Variants in ZBTB21 observed in about 807,000 individuals in gnomAD.
The protein encoded by ZBTB21 is zinc finger and BTB domain-containing protein 21.
A neutral mutation model predicts 39.8 loss-of-function variants in ZBTB21; 10 were observed. The ratio of observed to expected loss-of-function variants is 0.25; its 90% CI spans 0.16 to 0.43. ZBTB21 has a LOEUF of 0.43. Among genes scored for constraint, ZBTB21 ranks in the 20% least tolerant of loss-of-function variants. The probability of loss-of-function intolerance (pLI) is 1.00; values close to 1 mark genes in which losing one functional copy is unlikely to be tolerated. For synonymous variants in ZBTB21, 551 were observed against 498.8 expected (o/e 1.10, Z -1.40); for missense variants, 1,221 against 1,296.3 (o/e 0.94, Z 0.89).
In ZBTB21 at chr21:41,987,762, T is replaced by G. The variant is rs545148604; in HGVS notation, c.*3133A>C. 1 of 152,232 alleles carries G rather than the reference T, an allele frequency of 6.6e-6. No homozygotes were observed. The highest frequency in any genetic ancestry group is 1.5e-5 in the Non-Finnish European group (1 of 68,038). The allele number at this position is 152,232 out of a possible 1,614,324, so 9.4% of individuals were successfully genotyped here. Reference sequence around the variant, plus strand: ...CCAATTTGAGACAACAAAGGCCAACTTTAGATCTGTTAATTCTTCCATCTC... The same window carrying G: ...CCAATTTGAGACAACAAAGGCCAACGTTAGATCTGTTAATTCTTCCATCTC... On this transcript the variant is annotated 3_prime_UTR_variant, in exon 3 of 3. Transcript: ENST00000310826.
At position 41,992,728 on chromosome 21, in the gene ZBTB21, A is replaced by T. The variant is rs1253797941; in HGVS notation, c.1368T>A (p.Ala456=). Residue 456 remains alanine, a synonymous_variant, in exon 3 of 3, where the codon GCT becomes GCA. Coordinates refer to ENST00000310826, the MANE Select transcript of ZBTB21 (RefSeq NM_001098402.2). The surrounding 1 kb of genome is among the most constrained non-coding windows in gnomAD (Gnocchi z 4.1). ...CTCTTGTGACCGACGAAGATGAGGC[A>T]GCTGCTGTTGTTGCCGCATCTCCCA... ...VTVGDAATTA[A]ASSSSVTRDL... is the part of the protein sequence containing the mutation. The T allele has an allele frequency of 1.9e-6, 3 of 1,614,198 alleles. No individual in the cohort carries two copies. The highest frequency in any genetic ancestry group is 2.5e-6 in the Non-Finnish European group (3 of 1,180,028).
At chr21:41,997,594 A>C (rs575501416) in intron 2 of ZBTB21, among the ~76,000 whole-genome samples, 29 of 138,058 alleles carry the variant, frequency 2.1e-4, no homozygotes, top group African/African-American at 3.5e-4. Flanking sequence ...AAAAAACAAA[A>C]AAACAAAAAA....
At chr21:41,996,821 GTCTT>G (rs1476244711) in intron 2 of ZBTB21, among the ~76,000 whole-genome samples, 2 of 152,198 alleles carry the variant, frequency 1.3e-5, no homozygotes, top group Admixed American at 1.3e-4. Flanking sequence ...ATGGGGGCAG[GTCTT>G]TCTTATGCTC....
Position 41,993,500 on chromosome 21 carries a change from T to C in ZBTB21, c.596A>G (p.His199Arg), listed in dbSNP as rs769419148. The change falls in exon 3 of 3, where the codon CAT becomes CGT. Residue 199 changes from histidine to arginine, a missense_variant. Around this residue, in one of 4 missense-constraint regions of ZBTB21, gnomAD observed 500 missense variants for 465.6 expected, o/e 1.07. Transcript: ENST00000310826. ...PHVPKPIEPL[H>R]NLSLTEKSWP... is the part of the protein sequence containing the mutation. ...ACTCTTTTCAGTTAATGACAAATTATGAAGTGGTTCTATTGGTTTTGGGAC... is the reference window on the plus strand; with the variant it reads ...ACTCTTTTCAGTTAATGACAAATTACGAAGTGGTTCTATTGGTTTTGGGAC... 3 of 1,614,136 alleles carry C rather than the reference T, an allele frequency of 1.9e-6. No homozygotes were observed. Among genetic ancestry groups the C allele is most frequent in the Non-Finnish European group, 2.5e-6 (3 of 1,180,048 alleles).
At chr21:41,996,484 C>A (rs1273145905) in intron 2 of ZBTB21, among the ~76,000 whole-genome samples, 1 of 152,194 alleles carries the variant, frequency 6.6e-6, no homozygotes, top group African/African-American at 2.4e-5. Context: ...TTTGGAACGG[C>A]TGTAGTTACC....
intron 2 of ZBTB21, among the ~76,000 whole-genome samples, chr21:41,998,795 C>G (rs2065783194): frequency 2.0e-5 from 3 of 152,176 alleles, no homozygotes; most frequent in African/African-American, 4.8e-5. Context: ...ATTTAACCGA[C>G]TGAGACACAG....
chr21:42,008,083 T>C (rs2065901965), intron 1 of ZBTB21: 2 of 152,298 alleles, frequency 1.3e-5, no homozygotes, highest in Admixed American at 6.5e-5. Flanking sequence ...CGATTTACTT[T>C]GGTGTGTTGC....
At position 41,990,777 on chromosome 21, in the gene ZBTB21, G is replaced by A. The variant is rs920414141; in HGVS notation, c.*118C>T. The A allele has an allele frequency of 1.2e-5, 12 of 1,032,574 alleles. No homozygotes were observed. Among genetic ancestry groups the A allele is most frequent in the South Asian group, 3.3e-5 (1 of 30,388 alleles). The allele number at this position is 1,032,574 out of a possible 1,614,324, so 64.0% of individuals were successfully genotyped here. A position where few individuals can be genotyped will look rare whatever the true frequency, so the allele number is the denominator to read the frequency against. ...ATTTGCCTCCAACTTAATTTCAAGCGTAACAATCTCCAACCTTTATTATTC... is the reference window on the plus strand; with the variant it reads ...ATTTGCCTCCAACTTAATTTCAAGCATAACAATCTCCAACCTTTATTATTC... On this transcript the variant is annotated 3_prime_UTR_variant, in exon 3 of 3. Coordinates refer to ENST00000310826, the MANE Select transcript of ZBTB21 (RefSeq NM_001098402.2).
chr21:41,991,721 C>T lies in ZBTB21; in HGVS notation c.2375G>A (p.Arg792Gln), dbSNP rs1370460084. ...RTFKSSFSIW[R>Q]HQVEVHNQNN... ...CTGATTATGGACTTCAACCTGGTGC[C>T]GCCAGATGCTGAAAGAGGACTTGAA... The change falls in exon 3 of 3, where the codon CGG (arginine) becomes CAG (glutamine). Residue 792 changes from arginine to glutamine, a missense_variant. Transcript: ENST00000310826. The surrounding 1 kb of genome is among the most constrained non-coding windows in gnomAD (Gnocchi z 4.9). 2.5e-6 allele frequency: 4 copies of T among 1,614,162 alleles called. No individual in the cohort carries two copies. The highest frequency in any genetic ancestry group is 3.4e-6 in the Non-Finnish European group (4 of 1,180,034).
In ZBTB21 at chr21:41,987,297, C is replaced by T. The variant is rs1352360290; in HGVS notation, c.*3598G>A. On this transcript the variant is annotated 3_prime_UTR_variant, in exon 3 of 3. Transcript: ENST00000310826. The stretch of plus-strand genomic sequence containing the variant: ...CTGACATTGTAACTCATTTTTTCTC[C>T]TCCAGAATCTAAACACCAATTTTGT... 6.6e-6 allele frequency: 1 copy of T among 152,080 alleles called. No homozygotes were observed. Among genetic ancestry groups the T allele is most frequent in the Non-Finnish European group, 1.5e-5 (1 of 68,008 alleles). 9.4% of individuals were successfully genotyped at this position (152,080 alleles called of 1,614,324 possible). A position where few individuals can be genotyped will look rare whatever the true frequency, so the allele number is the denominator to read the frequency against.
rs1036428697 is a variant in ZBTB21 at position 41,988,970 on chromosome 21, T to TTTTC, written c.*1924_*1925insGAAA. 2 of 152,022 alleles carry TTTTC rather than the reference T, an allele frequency of 1.3e-5. No individual in the cohort carries two copies. Among genetic ancestry groups the TTTTC allele is most frequent in the Non-Finnish European group, 2.9e-5 (2 of 67,966 alleles). The allele number at this position is 152,022 out of a possible 1,614,324, so 9.4% of individuals were successfully genotyped here. A position where few individuals can be genotyped will look rare whatever the true frequency, so the allele number is the denominator to read the frequency against. ...GTGACAGCTACCAAGATGGACAGAG[T>TTTTC]AAGAAATACCACATTATACGCGGAA... is the stretch of plus-strand genomic sequence containing the variant. On this transcript the variant is annotated 3_prime_UTR_variant, in exon 3 of 3. Transcript: ENST00000310826.
At position 41,992,634 on chromosome 21, in the gene ZBTB21, C is replaced by T. The variant is rs773876783; in HGVS notation, c.1462G>A (p.Ala488Thr). 1.9e-6 allele frequency: 3 copies of T among 1,614,032 alleles called. No individual in the cohort carries two copies. Among genetic ancestry groups the T allele is most frequent in the Non-Finnish European group, 2.5e-6 (3 of 1,180,010 alleles). The change falls in exon 3 of 3, where the codon GCG becomes ACG. Residue 488 changes from alanine to threonine, a missense_variant. By Grantham distance (58) the Ala-to-Thr change is moderately conservative. This residue lies in a region of ZBTB21 where 500 missense variants were observed against 465.6 expected (regional missense o/e 1.07). Coordinates refer to ENST00000310826, the MANE Select transcript of ZBTB21 (RefSeq NM_001098402.2). The surrounding 1 kb of genome is among the most constrained non-coding windows in gnomAD (Gnocchi z 4.1). The part of the protein sequence containing the change: ...SRLPAKRRFQ[A>T]DRRLPFKKLK... The stretch of plus-strand genomic sequence containing the variant: ...TTCTTAAACGGCAATCTTCGGTCCG[C>T]TTGGAACCTCCTTTTTGCTGGGAGT...
At chr21:42,005,689 A>G (rs1013948544) in intron 1 of ZBTB21, among the ~76,000 whole-genome samples, 5 of 152,226 alleles carry the variant, frequency 3.3e-5, no homozygotes, top group African/African-American at 1.2e-4. Flanking sequence ...CTTAGAACAA[A>G]GCTTTGATCG....
At position 41,993,154 on chromosome 21, in the gene ZBTB21, G is replaced by A; in HGVS notation, c.942C>T (p.Gly314=). 1 of 1,614,090 alleles carries A rather than the reference G, an allele frequency of 6.2e-7. No homozygotes were observed. Among genetic ancestry groups the A allele is most frequent in the Non-Finnish European group, 8.5e-7 (1 of 1,180,032 alleles). ...DRNLLYYSKL[G]LVIPSSGSGS... ...CAGATCCACTGGATGGGATCACTAA[G>A]CCTAACTTTGAATAGTACAACAAGT... Residue 314 remains glycine, a synonymous_variant, in exon 3 of 3, where the codon GGC becomes GGT. Transcript: ENST00000310826.
At chr21:42,002,825 C>T (rs1347169637) in intron 2 of ZBTB21, 72 bp downstream of exon 2, 3 of 152,136 alleles carry the variant, frequency 2.0e-5, no homozygotes, top group Admixed American at 6.5e-5. Context: ...GGTCTATTTA[C>T]GAGCAACAGA....
chr21:41,996,507 C>A (rs1257805593), intron 2 of ZBTB21, among the ~76,000 whole-genome samples: 1 of 152,172 alleles, frequency 6.6e-6, no homozygotes, highest in African/African-American at 2.4e-5. Context: ...ATGCCTGTAC[C>A]CCCACTGTAT....
In ZBTB21 at chr21:41,992,425, T is replaced by A; in HGVS notation, c.1671A>T (p.Ser557=). The A allele has an allele frequency of 6.2e-7, 1 of 1,614,220 alleles. No individual in the cohort carries two copies. The highest frequency in any genetic ancestry group is 8.5e-7 in the Non-Finnish European group (1 of 1,180,036). ...KCKHCLKIFR[S]TAGLHRHVNM... is the part of the protein sequence containing the mutation. Reference sequence around the variant, plus strand: ...TAACATGACGGTGAAGACCTGCTGTTGATCTAAAGATCTTAAGGCAATGTT... The same window carrying A: ...TAACATGACGGTGAAGACCTGCTGTAGATCTAAAGATCTTAAGGCAATGTT... Residue 557 remains serine (S), a synonymous_variant, in exon 3 of 3, where the codon TCA becomes TCT. Coordinates refer to ENST00000310826, the MANE Select transcript of ZBTB21 (RefSeq NM_001098402.2). The surrounding 1 kb of genome is among the most constrained non-coding windows in gnomAD (Gnocchi z 4.1).
Position 41,988,772 on chromosome 21 carries a change from T to TA in ZBTB21, c.*2122dup, listed in dbSNP as rs1156514627. ...TTAGATCAAAAATATTTTTTTTTTT[T>TA]ACTGATTAACAATATTATTTTTAAA... On this transcript the variant is annotated 3_prime_UTR_variant, in exon 3 of 3. Transcript: ENST00000310826. The TA allele has an allele frequency of 6.6e-6, 1 of 151,626 alleles. No individual in the cohort carries two copies. Among genetic ancestry groups the TA allele is most frequent in the Non-Finnish European group, 1.5e-5 (1 of 67,778 alleles). The allele number at this position is 151,626 out of a possible 1,614,324, so 9.4% of individuals were successfully genotyped here. A position where few individuals can be genotyped will look rare whatever the true frequency, so the allele number is the denominator to read the frequency against.
At chr21:41,996,176 T>A (rs936517070) in intron 2 of ZBTB21, among the ~76,000 whole-genome samples, 1 of 152,198 alleles carries the variant, frequency 6.6e-6, no homozygotes, top group Non-Finnish European at 1.5e-5. Flanking sequence ...AGAAGAGGGC[T>A]ACCATCTTCC....
Sources: allele counts gnomAD v4.1 joint callset (sites outside exome capture counted in the v4.1 genomes callset), GRCh38; gene constraint gnomAD v4.1.1; regional missense constraint gnomAD v4.1.1; non-coding constraint Gnocchi (gnomAD v3.1); transcripts MANE v1.5; gene names NCBI Gene and HGNC (gene_info 2026-07-23, HGNC 2026-07-21).